The following DDB2 variants were observed in gnomAD, a reference collection of about 807,000 sequenced individuals.
DDB2 encodes damage specific DNA binding protein 2, also known as DNA damage-binding protein 2.
DDB2 carries 27 observed loss-of-function variants against 50.5 expected under a neutral mutation model. That is an observed-to-expected ratio of 0.53 (90% CI 0.39 to 0.74). The LOEUF is 0.74. Ranked by LOEUF, DDB2 falls within the 30% of genes least tolerant of loss-of-function variation. DDB2 has a pLI of 0.00. For synonymous variants in DDB2, 176 were observed against 205.5 expected, an observed-to-expected ratio of 0.86 and a Z score of 1.23; for missense variants, 424 against 545.6, an observed-to-expected ratio of 0.78 and a Z score of 2.22.
intron 4 of DDB2, 39 bp from the exon 5 acceptor site, chr11:47,234,534 C>G (rs1465910618): frequency 1.5e-5 from 23 of 1,561,478 alleles, no homozygotes; most frequent in Non-Finnish European, 1.9e-5. Context: ...AGGACTATCT[C>G]TGTCCCCAAG....
At chr11:47,233,569 G>C (rs536561069) in intron 4 of DDB2, 1 of 161,254 alleles carries the variant, frequency 6.2e-6, no homozygotes, top group Admixed American at 5.8e-5. Context: ...TTAGCTGGGC[G>C]TGGTGGTAGG....
chr11:47,235,767 T>A (rs1299810097), intron 7 of DDB2: 1 of 261,722 alleles, frequency 3.8e-6, no homozygotes, highest in Non-Finnish European at 7.4e-6. Context: ...TTTTTTATTA[T>A]TTTTTTTAAG....
intron 3 of DDB2, chr11:47,229,683 C>A (rs1219959676): frequency 2.0e-5 from 6 of 302,610 alleles, no homozygotes; most frequent in African/African-American, 9.1e-5. Flanking sequence ...GAATTGAAGA[C>A]ATTGATACAA....
intron 3 of DDB2, among the ~76,000 whole-genome samples, chr11:47,227,425 C>G (rs1299150275): frequency 6.6e-6 from 1 of 151,986 alleles, no homozygotes; most frequent in Non-Finnish European, 1.5e-5. Flanking sequence ...AACCTCTTAT[C>G]AGATCTATGA....
At chr11:47,225,459 G>A (rs1419973020) in intron 3 of DDB2, among the ~76,000 whole-genome samples, 2 of 151,674 alleles carry the variant, frequency 1.3e-5, no homozygotes, top group African/African-American at 2.4e-5. Flanking sequence ...GGGCATGGTC[G>A]TGGGCGCCTG....
chr11:47,216,571 A>G, intron 2 of DDB2, 99 bp downstream of exon 2: 1 of 1,543,898 alleles, frequency 6.5e-7, no homozygotes, highest in Non-Finnish European at 8.9e-7. Flanking sequence ...CCAGCTTGTC[A>G]GAGTGGTCCG....
Position 47,215,188 on chromosome 11 carries a change from C to T in DDB2, c.52C>T (p.Arg18Cys), listed in dbSNP as rs201229167. 6.2e-7 allele frequency: 1 copy of T among 1,614,084 alleles called. No homozygotes were observed. Among genetic ancestry groups the T allele is most frequent in the Admixed American group, 1.7e-5 (1 of 59,994 alleles). ...CCAGAAGACCTCCGAGATTGTATTA[C>T]GCCCCAGGAACAAGAGGAGCAGGAG... ...ETQKTSEIVLRPRNKRSRSPL... is the reference protein window; with the variant it reads ...ETQKTSEIVLCPRNKRSRSPL... The change falls in exon 1 of 10, where the codon CGC becomes TGC. Residue 18 changes from arginine (R) to cysteine (C), a missense_variant. Transcript: ENST00000256996.
intron 3 of DDB2, among the ~76,000 whole-genome samples, chr11:47,224,456 G>A (rs1953529833): frequency 6.6e-6 from 1 of 151,946 alleles, no homozygotes; most frequent in Admixed American, 6.6e-5. Flanking sequence ...CACCATGTTG[G>A]CCAGGCTGGT....
intron 6 of DDB2, 125 bp downstream of exon 6, chr11:47,235,059 T>A: frequency 7.5e-7 from 1 of 1,328,246 alleles, no homozygotes; most frequent in Non-Finnish European, 1.1e-6. Context: ...CAAGCTGATG[T>A]CTGGGAACCT....
intron 3 of DDB2, among the ~76,000 whole-genome samples, chr11:47,226,665 G>A (rs893555787): frequency 5.3e-5 from 8 of 151,652 alleles, no homozygotes; most frequent in Non-Finnish European, 8.8e-5. Context: ...GTGATATTGA[G>A]CATCTTTACG....
At chr11:47,229,011 A>G (rs1157045738) in intron 3 of DDB2, among the ~76,000 whole-genome samples, 1 of 150,310 alleles carries the variant, frequency 6.7e-6, no homozygotes, top group East Asian at 1.9e-4. Flanking sequence ...CTATCTATCT[A>G]TCTATCTATC....
intron 3 of DDB2, among the ~76,000 whole-genome samples, chr11:47,232,133 C>T (rs958983310): frequency 1.3e-5 from 2 of 152,142 alleles, no homozygotes; most frequent in African/African-American, 4.8e-5. Context: ...TACCTGAGGG[C>T]AGGAGTTCCA....
rs4647759 is a variant in DDB2 at position 47,238,591 on chromosome 11, G to C, written c.1235-209G>C. Among the ~76,000 whole-genome samples, 11,593 of 151,966 alleles carry C rather than the reference G, an allele frequency of 0.076. 515 individuals carry two copies. Among genetic ancestry groups the C allele is most frequent in the South Asian group, 0.11 (533 of 4,794 alleles). On this transcript the variant is annotated intron_variant, in intron 9 of 9. Transcript: ENST00000256996. ...TTTTTTGTATTTTTAGTAGAGACAG[G>C]GTTTCACCGTGTTAGCCAGGATGGT... is the stretch of plus-strand genomic sequence containing the variant.
intron 3 of DDB2, chr11:47,229,818 C>CTT (rs11376360): frequency 0.077 from 25,333 of 326,946 alleles, 54 homozygotes; most frequent in South Asian, 0.1. Context: ...GATGGCTCTT[C>CTT]TTTTTTTTTT....
Position 47,215,128 on chromosome 11 carries a change from G to A in DDB2, c.-9G>A, listed in dbSNP as rs376193077. 1.9e-6 allele frequency: 3 copies of A among 1,613,884 alleles called. No individual in the cohort carries two copies. The highest frequency in any genetic ancestry group is 2.5e-6 in the Non-Finnish European group (3 of 1,179,998). On this transcript the variant is annotated 5_prime_UTR_variant, in exon 1 of 10. Transcript: ENST00000256996. ...ATAGAGCACAGTACCCCTTCACACGGAGGACGCGATGGCTCCCAAGAAACG... is the reference window on the plus strand; with the variant it reads ...ATAGAGCACAGTACCCCTTCACACGAAGGACGCGATGGCTCCCAAGAAACG...
rs192552912 is a variant in DDB2 at position 47,229,316 on chromosome 11, C to T, written c.457-3498C>T. Among the ~76,000 whole-genome samples, 353 of 152,200 alleles carry T rather than the reference C, an allele frequency of 2.3e-3. 2 individuals are homozygous for T. The highest frequency in any genetic ancestry group is 8.1e-3 in the African/African-American group (335 of 41,538). On this transcript the variant is annotated intron_variant, in intron 3 of 9. Transcript: ENST00000256996. Reference sequence around the variant, plus strand: ...AAGCGGGGTTGAGGATGCTGAACCACAGGGAGGCCTAGAGTGGGGTGGCGG... The same window carrying T: ...AAGCGGGGTTGAGGATGCTGAACCATAGGGAGGCCTAGAGTGGGGTGGCGG...
intron 4 of DDB2, among the ~76,000 whole-genome samples, chr11:47,233,709 CAAAA>C (rs10544942): frequency 3.6e-5 from 5 of 140,522 alleles, no homozygotes; most frequent in African/African-American, 2.6e-5. Flanking sequence ...AAATCTATCT[CAAAA>C]AAAAAAAAAA....
chr11:47,238,690 G>T, intron 9 of DDB2, 110 bp from the exon 10 acceptor site: 2 of 1,222,106 alleles, frequency 1.6e-6, no homozygotes, highest in South Asian at 2.5e-5. Flanking sequence ...GAGCCACCGC[G>T]CCCGGCCTTC....
intron 6 of DDB2, 81 bp from the exon 7 acceptor site, chr11:47,235,189 C>T (rs536651899): frequency 1.3e-6 from 2 of 1,563,530 alleles, no homozygotes; most frequent in Admixed American, 3.3e-5. Context: ...AGGGAGAGTA[C>T]CCCTGCAGGA....
Sources: allele counts gnomAD v4.1 joint callset (sites outside exome capture counted in the v4.1 genomes callset), GRCh38; gene constraint gnomAD v4.1.1; transcripts MANE v1.5; gene names NCBI Gene and HGNC (gene_info 2026-07-23, HGNC 2026-07-21).